The following ARL8B variants were observed in gnomAD, a reference collection of about 807,000 sequenced individuals.
ARL8B encodes ARF like GTPase 8B, also known as ADP-ribosylation factor-like protein 8B.
ARL8B carries 9 observed loss-of-function variants against 30.6 expected under a neutral mutation model. The ratio of observed to expected loss-of-function variants is 0.29; its 90% CI spans 0.18 to 0.51. ARL8B has a LOEUF of 0.51. ARL8B is among the 20% of genes least tolerant of loss of function. The pLI is 0.97. For missense variants in ARL8B, 130 were observed against 227.2 expected (o/e 0.57, Z 2.75); for synonymous variants, 74 against 76.0 (o/e 0.97, Z 0.14).
intron 1 of ARL8B, among the ~76,000 whole-genome samples, chr3:5,159,602 C>CAAAAAAAAAAAAAAA (rs71053495): frequency 1.9e-4 from 15 of 77,036 alleles, no homozygotes; most frequent in South Asian, 5.0e-4. Flanking sequence ...AACTCCGTCT[C>CAAAAAAAAAAAAAAA]AAAAAAAAAA....
At chr3:5,147,884 C>T (rs1219191692) in intron 1 of ARL8B, among the ~76,000 whole-genome samples, 1 of 149,916 alleles carries the variant, frequency 6.7e-6, no homozygotes, top group Non-Finnish European at 1.5e-5. Flanking sequence ...TTCTCTTTTT[C>T]TTGTTGAATC....
At chr3:5,163,792 C>T (rs1333910369) in intron 1 of ARL8B, among the ~76,000 whole-genome samples, 1 of 152,126 alleles carries the variant, frequency 6.6e-6, no homozygotes, top group Non-Finnish European at 1.5e-5. Flanking sequence ...ATTGCTTGAA[C>T]CCGGGAGGCA....
intron 1 of ARL8B, among the ~76,000 whole-genome samples, chr3:5,125,935 C>T (rs545109198): frequency 6.6e-6 from 1 of 152,082 alleles, no homozygotes; most frequent in Non-Finnish European, 1.5e-5. Flanking sequence ...GTGTAATTGG[C>T]TTGAATTAGT....
intron 1 of ARL8B, among the ~76,000 whole-genome samples, chr3:5,139,360 T>C (rs1370460770): frequency 6.6e-6 from 1 of 152,190 alleles, no homozygotes; most frequent in Admixed American, 6.5e-5. Flanking sequence ...TAGTCTTTAA[T>C]GGGAGGATTG....
chr3:5,125,773 T>C (rs2054225631), intron 1 of ARL8B, among the ~76,000 whole-genome samples: 2 of 152,214 alleles, frequency 1.3e-5, no homozygotes, highest in African/African-American at 4.8e-5. Flanking sequence ...TCTCAAGTAA[T>C]ATGCCTGCCT....
At position 5,178,998 on chromosome 3, in the gene ARL8B, T is replaced by C. The variant is rs1348660771; in HGVS notation, c.*285T>C. On this transcript the variant is annotated 3_prime_UTR_variant, in exon 7 of 7. Transcript: ENST00000256496. ...ACAGAAAAAAAACCCCATATACTTA[T>C]GACCATCTTAAATCAAGAAAATTGC... 1.1e-5 allele frequency: 3 copies of C among 280,976 alleles called. No individual in the cohort carries two copies. The highest frequency in any genetic ancestry group is 1.9e-5 in the Non-Finnish European group (3 of 155,126). 17.4% of individuals were successfully genotyped at this position (280,976 alleles called of 1,614,324 possible).
chr3:5,132,491 G>A (rs969643175), intron 1 of ARL8B, among the ~76,000 whole-genome samples: 9 of 152,036 alleles, frequency 5.9e-5, no homozygotes, highest in African/African-American at 2.2e-4. Context: ...CACCTGCTTC[G>A]GCCTCCCAAA....
At chr3:5,144,491 TC>T (rs2054402133) in intron 1 of ARL8B, among the ~76,000 whole-genome samples, 1 of 152,182 alleles carries the variant, frequency 6.6e-6, no homozygotes, top group Non-Finnish European at 1.5e-5. Context: ...GAGCCTGGGG[TC>T]CCCATTGACT....
chr3:5,128,410 A>G (rs754246565), intron 1 of ARL8B: 1 of 450,776 alleles, frequency 2.2e-6, no homozygotes, highest in Non-Finnish European at 4.4e-6. Context: ...TACCTTCCAT[A>G]AAGTTTTCTA....
At chr3:5,175,564 A>G (rs1347733529) in intron 6 of ARL8B, among the ~76,000 whole-genome samples, 1 of 152,210 alleles carries the variant, frequency 6.6e-6, no homozygotes, top group Non-Finnish European at 1.5e-5. Context: ...CATTTACTCA[A>G]TGCCCATATT....
chr3:5,167,763 T>G (rs2054636318), intron 1 of ARL8B, among the ~76,000 whole-genome samples: 5 of 152,228 alleles, frequency 3.3e-5, no homozygotes, highest in Admixed American at 3.3e-4. Flanking sequence ...TTAAAATAAG[T>G]AGAATGATAT....
chr3:5,166,937 G>A (rs139076753), intron 1 of ARL8B, among the ~76,000 whole-genome samples: 27 of 152,254 alleles, frequency 1.8e-4, no homozygotes, highest in African/African-American at 6.3e-4. Context: ...TATTTTAAAT[G>A]AACGGCCTAT....
intron 4 of ARL8B, 45 bp downstream of exon 4, chr3:5,172,785 A>T (rs1245173718): frequency 8.7e-7 from 1 of 1,143,188 alleles, no homozygotes; most frequent in Non-Finnish European, 1.3e-6. Context: ...TTATATAATG[A>T]TATTAATTAT....
At chr3:5,149,775 G>C (rs965365128) in intron 1 of ARL8B, among the ~76,000 whole-genome samples, 2 of 152,134 alleles carry the variant, frequency 1.3e-5, no homozygotes, top group African/African-American at 4.8e-5. Flanking sequence ...CCAGTCCTTA[G>C]GTTTATTATG....
chr3:5,175,216 T>C (rs114172927), intron 6 of ARL8B, among the ~76,000 whole-genome samples: 3,090 of 152,256 alleles, frequency 0.02, 42 homozygotes, highest in Non-Finnish European at 0.031. Flanking sequence ...GAGAAAAAAA[T>C]AGTTTTGTTA....
chr3:5,167,357 AAAT>A (rs1207913342), intron 1 of ARL8B, among the ~76,000 whole-genome samples: 1 of 152,194 alleles, frequency 6.6e-6, no homozygotes, highest in African/African-American at 2.4e-5. Flanking sequence ...TCAACCTCTG[AAAT>A]AATAATGACT....
At chr3:5,144,418 G>C (rs983963334) in intron 1 of ARL8B, among the ~76,000 whole-genome samples, 1 of 152,062 alleles carries the variant, frequency 6.6e-6, no homozygotes, top group Non-Finnish European at 1.5e-5. Context: ...CAGCTTCCAC[G>C]TACTTGTTTA....
intron 6 of ARL8B, 58 bp downstream of exon 6, chr3:5,174,472 C>A: frequency 9.3e-7 from 1 of 1,078,704 alleles, no homozygotes; most frequent in Non-Finnish European, 1.4e-6. Context: ...AATGTCTATG[C>A]TTCTTACAGC....
chr3:5,173,441 G>C (rs2054695536), intron 4 of ARL8B, among the ~76,000 whole-genome samples: 1 of 152,208 alleles, frequency 6.6e-6, no homozygotes, highest in Admixed American at 6.5e-5. Context: ...CCTGTACTAA[G>C]AATAGCAGAA....
Sources: gnomAD v4.1 joint callset for allele counts (sites outside exome capture counted in the v4.1 genomes callset) on GRCh38, gnomAD v4.1.1 for gene constraint, MANE v1.5 for transcripts, NCBI Gene and HGNC (gene_info 2026-07-23, HGNC 2026-07-21) for gene names.